SYNE1: variants seen among roughly 807,000 people sequenced by gnomAD.
SYNE1 encodes the protein spectrin repeat containing nuclear envelope protein 1.
Under a neutral mutation model 1,111.0 loss-of-function variants are expected in SYNE1, and 616 were observed. That is an observed-to-expected ratio of 0.55 (90% CI 0.52 to 0.59). The LOEUF (loss-of-function observed/expected upper bound fraction) is 0.59. SYNE1 is among the 20% of genes least tolerant of loss of function. The pLI, the probability that SYNE1 is intolerant of heterozygous loss-of-function variation, is 0.00. For missense variants in SYNE1, 10,006 were observed against 10,417.0 expected (o/e 0.96, Z 1.72); for synonymous variants, 3,855 against 3,825.8 (o/e 1.01, Z -0.28).
At chr6:152,221,654 A>C in intron 117 of SYNE1, 95 bp from the exon 118 acceptor site, 1 of 1,506,452 alleles carries the variant, frequency 6.6e-7, no homozygotes, top group Admixed American at 1.7e-5. Flanking sequence ...ATAAATATGT[A>C]CATATACTTG....
chr6:152,588,903 T>C (rs927121253), intron 3 of SYNE1, among the ~76,000 whole-genome samples: 2 of 152,036 alleles, frequency 1.3e-5, no homozygotes, highest in African/African-American at 4.8e-5. Context: ...TACAGCCACA[T>C]AACAAGCAAG....
Position 152,517,869 on chromosome 6 carries a change from G to A in SYNE1, c.309+2590C>T, listed in dbSNP as rs115136894. Among the ~76,000 whole-genome samples the A allele has an allele frequency of 3.2e-3, 480 of 152,138 alleles. 5 individuals carry two copies. Among genetic ancestry groups the A allele is most frequent in the African/African-American group, 0.01 (418 of 41,490 alleles). On this transcript the variant is annotated intron_variant, in intron 6 of 145. Transcript: ENST00000367255. ...GGTAGGAAATGCAGTTAGAGGCAGG[G>A]AATGAGAATGGAGTAGTAGGGATGA...
rs542994457 is a variant in SYNE1, at chr6:152,391,432, G to A, written c.7849C>T (p.Arg2617Trp). 82 of 1,613,944 alleles carry A rather than the reference G, an allele frequency of 5.1e-5. No homozygotes were observed. Among genetic ancestry groups the A allele is most frequent in the Non-Finnish European group, 6.1e-5 (72 of 1,179,982 alleles). Residue 2617 changes from arginine (R) to tryptophan (W), a missense_variant, in exon 52 of 146, where the codon CGG becomes TGG. Transcript: ENST00000367255. ...TCCTGAAGGGCCACCTGGCAGCTCCGGAGTTTCTCTTTGGTCATTCTAAGT... is the reference window on the plus strand; with the variant it reads ...TCCTGAAGGGCCACCTGGCAGCTCCAGAGTTTCTCTTTGGTCATTCTAAGT... ...NLLRMTKEKL[R>W]SCQVALQEHE...
Position 152,220,879 on chromosome 6 carries a change from G to A in SYNE1, c.21824C>T (p.Ala7275Val). The change falls in exon 119 of 146, where the codon GCC becomes GTC. Residue 7275 changes from alanine to valine, a missense_variant. This residue lies in a region of SYNE1 where 2,182 missense variants were observed against 2,287.8 expected (regional missense o/e 0.95). Transcript: ENST00000367255. ...LLKAATNKDI[A>V]DDEVATWIQD... Reference sequence around the variant, plus strand: ...AATCCATGTGGCAACCTCATCATCGGCAATGTCCTTGTTTGTGGCTGCCTT... The same window carrying A: ...AATCCATGTGGCAACCTCATCATCGACAATGTCCTTGTTTGTGGCTGCCTT... 1 of 1,614,028 alleles carries A rather than the reference G, an allele frequency of 6.2e-7. No individual in the cohort carries two copies. The highest frequency in any genetic ancestry group is 1.1e-5 in the South Asian group (1 of 91,078).
At position 152,362,166 on chromosome 6, in the gene SYNE1, T is replaced by C; in HGVS notation, c.10299+4A>G. ...ACACATGGAATCTGAAATCCAGCTC[T>C]CACCTTGGCTTTTCCGAGCATCGTT... is the stretch of plus-strand genomic sequence containing the variant. On this transcript the variant is annotated splice_donor_region_variant and intron_variant, in intron 64 of 145. Transcript: ENST00000367255. 6.2e-7 allele frequency: 1 copy of C among 1,614,230 alleles called. No individual in the cohort carries two copies. The highest frequency in any genetic ancestry group is 8.5e-7 in the Non-Finnish European group (1 of 1,180,042).
At chr6:152,419,514 A>T in intron 40 of SYNE1, 55 bp downstream of exon 40, 1 of 1,542,112 alleles carries the variant, frequency 6.5e-7, no homozygotes, top group Non-Finnish European at 8.8e-7. Context: ...TTAATTCAAG[A>T]ACTTTTTTAT....
At chr6:152,176,043 A>T (rs938709628) in intron 130 of SYNE1, among the ~76,000 whole-genome samples, 7 of 150,302 alleles carry the variant, frequency 4.7e-5, no homozygotes, top group Admixed American at 6.6e-5. Context: ...GCTACTGCAG[A>T]CAAAAACACT....
At chr6:152,489,610 A>G (rs1275744295) in intron 11 of SYNE1, among the ~76,000 whole-genome samples, 1 of 152,118 alleles carries the variant, frequency 6.6e-6, no homozygotes, top group Non-Finnish European at 1.5e-5. Context: ...TCACATTCTC[A>G]TGATCCATGC....
At chr6:152,519,015 AT>A (rs2099126300) in intron 6 of SYNE1, among the ~76,000 whole-genome samples, 2 of 152,034 alleles carry the variant, frequency 1.3e-5, no homozygotes, top group East Asian at 3.9e-4. Context: ...GAGGGATAGC[AT>A]TAGGAGATAT....
At chr6:152,179,783 C>G (rs1285710243) in intron 129 of SYNE1, among the ~76,000 whole-genome samples, 4 of 133,624 alleles carry the variant, frequency 3.0e-5, no homozygotes, top group Non-Finnish European at 4.6e-5. Context: ...CTTCTGGGTT[C>G]AAGTGATTCC....
intron 3 of SYNE1, among the ~76,000 whole-genome samples, chr6:152,581,750 T>A (rs142909284): frequency 2.6e-5 from 4 of 152,286 alleles, no homozygotes; most frequent in African/African-American, 9.6e-5. Flanking sequence ...TGCAGACCCC[T>A]GGCTCGCTCC....
Position 152,267,404 on chromosome 6 carries a change from G to T in SYNE1, c.18815+652C>A, listed in dbSNP as rs146863268. The stretch of plus-strand genomic sequence containing the variant: ...CAAAACTTCTGTGATGACCTTAGTG[G>T]ATTATTATTCTAAATTCTACAGAGG... On this transcript the variant is annotated intron_variant, in intron 100 of 145. Coordinates refer to ENST00000367255, the MANE Select transcript of SYNE1 (RefSeq NM_182961.4). Among the ~76,000 whole-genome samples, 638 of 152,238 alleles carry T rather than the reference G, an allele frequency of 4.2e-3. 6 individuals are homozygous for T. The highest frequency in any genetic ancestry group is 0.014 in the African/African-American group (584 of 41,530).
At chr6:152,594,633 A>G (rs1314119790) in intron 3 of SYNE1, among the ~76,000 whole-genome samples, 1 of 152,194 alleles carries the variant, frequency 6.6e-6, no homozygotes, top group Non-Finnish European at 1.5e-5. Flanking sequence ...ATCGTAAACT[A>G]TCTAAAAACA....
intron 3 of SYNE1, among the ~76,000 whole-genome samples, chr6:152,620,543 T>G (rs944005867): frequency 6.6e-6 from 1 of 152,138 alleles, no homozygotes; most frequent in Non-Finnish European, 1.5e-5. Flanking sequence ...CACACAACAG[T>G]TTTTCTTTAT....
chr6:152,428,150 T>C (rs2154198380), intron 37 of SYNE1, 55 bp downstream of exon 37: 2 of 1,604,492 alleles, frequency 1.2e-6, no homozygotes, highest in Admixed American at 1.7e-5. Context: ...TAAGAACTGC[T>C]AATCCAGAAT....
intron 77 of SYNE1, 55 bp downstream of exon 77, chr6:152,333,953 T>A: frequency 6.2e-7 from 1 of 1,611,426 alleles, no homozygotes; most frequent in Admixed American, 1.7e-5. Context: ...TTTTTATAGA[T>A]ATTAAGAAAT....
At chr6:152,571,819 A>C (rs563655497) in intron 3 of SYNE1, among the ~76,000 whole-genome samples, 3 of 152,352 alleles carry the variant, frequency 2.0e-5, no homozygotes, top group South Asian at 2.1e-4. Context: ...AGGAAAGAGT[A>C]ACATGTAACT....
intron 3 of SYNE1, among the ~76,000 whole-genome samples, chr6:152,544,821 C>T (rs1366865789): frequency 1.3e-5 from 2 of 152,162 alleles, no homozygotes; most frequent in Admixed American, 6.5e-5. Context: ...AACATGCACC[C>T]GGAAGCACAA....
chr6:152,456,755 G>A (rs752778180), intron 22 of SYNE1: 14 of 448,140 alleles, frequency 3.1e-5, no homozygotes, highest in Non-Finnish European at 5.4e-5. Flanking sequence ...CAAGGCAGAG[G>A]GTCATTTTTT....
Sources: gnomAD v4.1 joint callset for allele counts (sites outside exome capture counted in the v4.1 genomes callset) on GRCh38, gnomAD v4.1.1 for gene constraint, gnomAD v4.1.1 regional missense constraint, MANE v1.5 for transcripts, NCBI Gene and HGNC (gene_info 2026-07-23, HGNC 2026-07-21) for gene names.